The following RREB1 variants were observed in gnomAD, a reference collection of about 807,000 sequenced individuals.
RREB1 encodes ras responsive element binding protein 1, also known as ras-responsive element-binding protein 1.
Under a neutral mutation model 117.8 loss-of-function variants are expected in RREB1, and 27 were observed. That is an observed-to-expected ratio of 0.23 (90% CI 0.17 to 0.32). The LOEUF is 0.32. Ranked by LOEUF, RREB1 falls within the 10% of genes least tolerant of loss-of-function variation. RREB1 has a pLI of 1.00. For missense variants in RREB1, 2,577 were observed against 2,378.2 expected (o/e 1.08, Z -1.74); for synonymous variants, 1,298 against 1,026.7 (o/e 1.26, Z -5.05).
intron 7 of RREB1, among the ~76,000 whole-genome samples, chr6:7,211,337 CAGATGGATGGAT>C (rs1442416670): frequency 5.5e-5 from 3 of 54,732 alleles, no homozygotes; most frequent in East Asian, 4.3e-4. Context: ...GATGGATGGA[CAGATGGATGGAT>C]GGATGGATGG....
At chr6:7,192,841 G>A (rs1251105446) in intron 6 of RREB1, among the ~76,000 whole-genome samples, 1 of 152,000 alleles carries the variant, frequency 6.6e-6, no homozygotes, top group Non-Finnish European at 1.5e-5. Context: ...TTTAGGTTTA[G>A]TTTGACCTTT....
intron 1 of RREB1, among the ~76,000 whole-genome samples, chr6:7,123,777 A>AT (rs1223070115): frequency 2.6e-5 from 4 of 151,622 alleles, no homozygotes; most frequent in Admixed American, 1.3e-4. Flanking sequence ...CGCCTGGCTA[A>AT]TTTTTTTGTA....
intron 1 of RREB1, among the ~76,000 whole-genome samples, chr6:7,110,411 C>G (rs895636670): frequency 1.3e-5 from 2 of 152,082 alleles, no homozygotes; most frequent in African/African-American, 4.8e-5. Context: ...CACAGAACTT[C>G]TGAAGGAATG....
rs1336974050 is a variant in RREB1, at chr6:7,211,032, G to T, written c.570+84G>T. On this transcript the variant is annotated intron_variant, in intron 7 of 12. Transcript: ENST00000379938. ...CTAATCTTTATTTTCTCAGTGTGGA[G>T]ACTTGGCAGACATACATCCTAAGCT... 5.2e-6 allele frequency: 7 copies of T among 1,349,396 alleles called. No homozygotes were observed. In the East Asian group the frequency reaches 1.4e-4, roughly 27 times the overall value. The allele number at this position is 1,349,396 out of a possible 1,614,324, so 83.6% of individuals were successfully genotyped here.
intron 10 of RREB1, among the ~76,000 whole-genome samples, chr6:7,233,744 T>C (rs1768137761): frequency 6.6e-6 from 1 of 152,136 alleles, no homozygotes; most frequent in African/African-American, 2.4e-5. Context: ...CTGTGCTCTG[T>C]GTCCAGGTGG....
At chr6:7,201,764 C>A (rs1470590377) in intron 6 of RREB1, among the ~76,000 whole-genome samples, 1 of 152,116 alleles carries the variant, frequency 6.6e-6, no homozygotes, top group African/African-American at 2.4e-5. Context: ...CTTAATTCTT[C>A]CTTTTCATGC....
chr6:7,222,857 T>C (rs1468180764), intron 8 of RREB1, among the ~76,000 whole-genome samples: 4 of 152,112 alleles, frequency 2.6e-5, no homozygotes, highest in African/African-American at 9.7e-5. Context: ...AATTGCCATA[T>C]TAAGAGGCAT....
Position 7,126,149 on chromosome 6 carries a change from G to A in RREB1, c.-285+18089G>A, listed in dbSNP as rs528964429. On this transcript the variant is annotated intron_variant, in intron 1 of 12. Transcript: ENST00000379938. ...CCTGAGTAGCTGGGATTACAGGTGCGCACCACCACACCCAGCTAATTTTTG... is the reference window on the plus strand; with the variant it reads ...CCTGAGTAGCTGGGATTACAGGTGCACACCACCACACCCAGCTAATTTTTG... Among the ~76,000 whole-genome samples, 78 of 150,916 alleles carry A rather than the reference G, an allele frequency of 5.2e-4. 1 individual carries two copies. The highest frequency in any genetic ancestry group is 3.4e-3 in the Middle Eastern group (1 of 290).
intron 1 of RREB1, among the ~76,000 whole-genome samples, chr6:7,120,813 ATTTT>A (rs754044532): frequency 9.1e-6 from 1 of 109,660 alleles, no homozygotes; most frequent in South Asian, 2.9e-4. Context: ...CGCTTGGCTA[ATTTT>A]TTTTTTTTTT....
intron 12 of RREB1, 131 bp downstream of exon 12, chr6:7,247,352 A>AG (rs2113204460): frequency 2.5e-6 from 2 of 800,814 alleles, no homozygotes; most frequent in South Asian, 3.7e-5. Flanking sequence ...GTGCCCTTTA[A>AG]GCCCGTGAAC....
intron 1 of RREB1, among the ~76,000 whole-genome samples, chr6:7,142,739 C>G (rs1762669095): frequency 6.6e-6 from 1 of 152,242 alleles, no homozygotes; most frequent in Non-Finnish European, 1.5e-5. Flanking sequence ...ACCGGCCACT[C>G]TAGGACCCTA....
At chr6:7,154,501 T>C (rs1486431987) in intron 1 of RREB1, among the ~76,000 whole-genome samples, 1 of 152,236 alleles carries the variant, frequency 6.6e-6, no homozygotes, top group Non-Finnish European at 1.5e-5. Context: ...TGTGAGCATG[T>C]ATATGATAAT....
Position 7,242,703 on chromosome 6 carries a change from G to GC in RREB1, c.3973+2101_3973+2102insC, listed in dbSNP as rs1054372135. On this transcript the variant is annotated intron_variant, in intron 11 of 12. Transcript: ENST00000379938. ...GAAGGAAGACCACTTAAAAAAAAGG[G>GC]GGGGGGGGAAGGAAATGACCAAGGA... Among the ~76,000 whole-genome samples the GC allele has an allele frequency of 2.2e-4, 34 of 151,178 alleles. No individual in the cohort carries two copies. In the East Asian group the frequency reaches 4.1e-3, roughly 18 times the overall value.
At chr6:7,173,504 GAAAA>G (rs796789297) in intron 1 of RREB1, among the ~76,000 whole-genome samples, 1 of 120,254 alleles carries the variant, frequency 8.3e-6, no homozygotes, top group Admixed American at 8.8e-5. Flanking sequence ...AAAACATGAA[GAAAA>G]AAAAAAAAAA....
At chr6:7,135,596 A>G (rs1762319774) in intron 1 of RREB1, among the ~76,000 whole-genome samples, 1 of 152,186 alleles carries the variant, frequency 6.6e-6, no homozygotes, top group Non-Finnish European at 1.5e-5. Context: ...ACTCTCCAAG[A>G]TGCAGGCAGG....
intron 1 of RREB1, among the ~76,000 whole-genome samples, chr6:7,145,964 T>G (rs865796884): frequency 5.2e-5 from 7 of 134,966 alleles, no homozygotes; most frequent in African/African-American, 2.0e-4. Context: ...AGCCAGTGCC[T>G]TCCTCTCTCT....
chr6:7,141,497 G>T (rs975704013), intron 1 of RREB1, among the ~76,000 whole-genome samples: 1 of 152,134 alleles, frequency 6.6e-6, no homozygotes, highest in East Asian at 1.9e-4. Flanking sequence ...TTTGGCTAGA[G>T]GGCATTTAGC....
chr6:7,196,465 G>T (rs139494769), intron 6 of RREB1, among the ~76,000 whole-genome samples: 1 of 151,884 alleles, frequency 6.6e-6, no homozygotes, highest in Admixed American at 6.6e-5. Flanking sequence ...AGGACACTCA[G>T]AATTGTTATA....
In RREB1 at chr6:7,211,082, T is replaced by C. The variant is rs1252382855; in HGVS notation, c.570+134T>C. ...TCTTAACGTGTGTTTTCCCATACTG[T>C]TTCTGTAAAGTGTCTAAGAAAAGAG... is the stretch of plus-strand genomic sequence containing the variant. On this transcript the variant is annotated intron_variant, in intron 7 of 12. Coordinates refer to ENST00000379938, the MANE Select transcript of RREB1 (RefSeq NM_001003699.4). 1.3e-5 allele frequency: 11 copies of C among 879,106 alleles called. No individual in the cohort carries two copies. In the East Asian group the frequency reaches 2.8e-4, roughly 22 times the overall value. 54.5% of individuals were successfully genotyped at this position (879,106 alleles called of 1,614,324 possible).
Sources: gnomAD v4.1 joint callset for allele counts (sites outside exome capture counted in the v4.1 genomes callset) on GRCh38, gnomAD v4.1.1 for gene constraint, MANE v1.5 for transcripts, NCBI Gene and HGNC (gene_info 2026-07-23, HGNC 2026-07-21) for gene names.